The following ANO10 variants were observed in gnomAD, a reference collection of about 807,000 sequenced individuals.
ANO10 encodes the protein anoctamin 10.
ANO10 carries 77 observed loss-of-function variants against 74.7 expected under a neutral mutation model. That is an observed-to-expected ratio of 1.03 (90% CI 0.86 to 1.25). The LOEUF (loss-of-function observed/expected upper bound fraction) is 1.25. Among genes scored for constraint, ANO10 ranks in the 50% most tolerant of loss-of-function variants. The pLI is 0.00. For synonymous variants in ANO10, 279 were observed against 284.9 expected (o/e 0.98, Z 0.21); for missense variants, 721 against 778.1 (o/e 0.93, Z 0.87).
At chr3:43,542,236 G>A (rs1407575913) in intron 11 of ANO10, among the ~76,000 whole-genome samples, 1 of 152,210 alleles carries the variant, frequency 6.6e-6, no homozygotes, top group Non-Finnish European at 1.5e-5. Context: ...TCAGTGACAA[G>A]GGAGAGAGCC....
intron 11 of ANO10, among the ~76,000 whole-genome samples, chr3:43,543,233 T>C (rs528957192): frequency 6.6e-6 from 1 of 152,246 alleles, no homozygotes; most frequent in East Asian, 1.9e-4. Context: ...TGATAAAGAA[T>C]ATATAGGAAT....
At chr3:43,427,428 C>T (rs1233915096) in intron 12 of ANO10, among the ~76,000 whole-genome samples, 1 of 152,208 alleles carries the variant, frequency 6.6e-6, no homozygotes, top group Non-Finnish European at 1.5e-5. Flanking sequence ...GTAAAATGCA[C>T]AACCCTATTT....
intron 1 of ANO10, among the ~76,000 whole-genome samples, chr3:43,639,817 A>T (rs1216781731): frequency 6.6e-6 from 1 of 152,080 alleles, no homozygotes; most frequent in Non-Finnish European, 1.5e-5. Context: ...AAATGTAGAC[A>T]ATTCTGCCTT....
intron 12 of ANO10, among the ~76,000 whole-genome samples, chr3:43,418,439 C>T (rs1362229038): frequency 6.6e-6 from 1 of 152,158 alleles, no homozygotes; most frequent in Non-Finnish European, 1.5e-5. Flanking sequence ...TTTCAAAGTG[C>T]TGAGGGTCTG....
chr3:43,528,207 G>GA (rs35735692), intron 11 of ANO10, among the ~76,000 whole-genome samples: 72,863 of 146,446 alleles, frequency 0.5, 19,771 homozygotes, highest in East Asian at 0.82. Context: ...TGAAAAAAAC[G>GA]AAAAAAAAAA....
intron 11 of ANO10, among the ~76,000 whole-genome samples, chr3:43,519,505 G>A (rs1262941508): frequency 6.6e-6 from 1 of 152,268 alleles, no homozygotes; most frequent in Non-Finnish European, 1.5e-5. Flanking sequence ...ATGGGGCACC[G>A]TCCAACTTTC....
At chr3:43,660,690 C>G (rs2083915677) in intron 1 of ANO10, among the ~76,000 whole-genome samples, 1 of 152,190 alleles carries the variant, frequency 6.6e-6, no homozygotes, top group Admixed American at 6.5e-5. Flanking sequence ...CGCAGTGGCT[C>G]ACGCCTGTAA....
intron 1 of ANO10, among the ~76,000 whole-genome samples, chr3:43,688,340 C>CT (rs2084301687): frequency 6.6e-6 from 1 of 152,092 alleles, no homozygotes; most frequent in African/African-American, 2.4e-5. Context: ...AACAGACACT[C>CT]TGAGAGGTGG....
At chr3:43,467,181 A>G (rs917794433) in intron 11 of ANO10, among the ~76,000 whole-genome samples, 8 of 152,232 alleles carry the variant, frequency 5.3e-5, no homozygotes, top group African/African-American at 9.6e-5. Flanking sequence ...TCTATAAAAC[A>G]GTTAGAAAAT....
chr3:43,568,369 C>T (rs1398709206), intron 7 of ANO10, among the ~76,000 whole-genome samples: 12 of 152,200 alleles, frequency 7.9e-5, no homozygotes, highest in Non-Finnish European at 5.9e-5. Flanking sequence ...CACCCCATAT[C>T]AACAGAATAT....
chr3:43,619,861 C>T (rs1212277718), intron 1 of ANO10, among the ~76,000 whole-genome samples: 1 of 146,884 alleles, frequency 6.8e-6, no homozygotes, highest in African/African-American at 2.5e-5. Context: ...CAGAGTGAGA[C>T]CTTGTCCAAA....
chr3:43,688,673 T>G (rs992594801), intron 1 of ANO10, among the ~76,000 whole-genome samples: 1 of 151,862 alleles, frequency 6.6e-6, no homozygotes, highest in Non-Finnish European at 1.5e-5. Context: ...TGAAACCCCA[T>G]CTCTACTAAA....
rs1489144079 is a variant in ANO10, at chr3:43,458,609, A to G, written c.1798-25882T>C. On this transcript the variant is annotated intron_variant, in intron 11 of 12. Transcript: ENST00000292246. ...GACACCATAGACAAGAAATGCAGAGAGCTTTCAATCTCCCATTAGGCTTAA... is the reference window on the plus strand; with the variant it reads ...GACACCATAGACAAGAAATGCAGAGGGCTTTCAATCTCCCATTAGGCTTAA... Among the ~76,000 whole-genome samples, 4 of 152,180 alleles carry G rather than the reference A, an allele frequency of 2.6e-5. No homozygotes were observed. The East Asian group carries it at 7.7e-4, about 29-fold the overall frequency.
At chr3:43,555,228 A>C in intron 10 of ANO10, 50 bp downstream of exon 10, 1 of 1,577,340 alleles carries the variant, frequency 6.3e-7, no homozygotes. Context: ...CTGTCATAAC[A>C]CCTCGTATTT....
chr3:43,518,270 C>T (rs890751879), intron 11 of ANO10, among the ~76,000 whole-genome samples: 2 of 152,160 alleles, frequency 1.3e-5, no homozygotes, highest in Admixed American at 6.5e-5. Context: ...AATCTCTGAA[C>T]ATAAATTGTG....
At chr3:43,409,205 T>G (rs576683841) in intron 12 of ANO10, among the ~76,000 whole-genome samples, 70 of 152,230 alleles carry the variant, frequency 4.6e-4, no homozygotes, top group Non-Finnish European at 7.8e-4. Context: ...CCAGCATTCA[T>G]GGAGCAGAAA....
At chr3:43,538,098 A>G (rs2078795418) in intron 11 of ANO10, among the ~76,000 whole-genome samples, 1 of 152,236 alleles carries the variant, frequency 6.6e-6, no homozygotes, top group African/African-American at 2.4e-5. Context: ...TGTCTATGAT[A>G]CTAAAAAATG....
At chr3:43,645,910 C>T (rs918477006) in intron 1 of ANO10, among the ~76,000 whole-genome samples, 17 of 152,122 alleles carry the variant, frequency 1.1e-4, no homozygotes, top group African/African-American at 2.7e-4. Context: ...CAAGCTCAAG[C>T]GATCCTCCTA....
chr3:43,558,992 A>C (rs1286545748), intron 9 of ANO10, among the ~76,000 whole-genome samples: 1 of 152,228 alleles, frequency 6.6e-6, no homozygotes, highest in Non-Finnish European at 1.5e-5. Flanking sequence ...TATTTCCTTT[A>C]CTTCACATCA....
Sources: allele counts gnomAD v4.1 joint callset (sites outside exome capture counted in the v4.1 genomes callset), GRCh38; gene constraint gnomAD v4.1.1; transcripts MANE v1.5; gene names NCBI Gene and HGNC (gene_info 2026-07-23, HGNC 2026-07-21).